The following ASTN1 variants were observed in gnomAD, a reference collection of about 807,000 sequenced individuals.
ASTN1 encodes astrotactin-1.
A neutral mutation model predicts 140.7 loss-of-function variants in ASTN1; 41 were observed. The ratio of observed to expected loss-of-function variants is 0.29; its 90% CI spans 0.23 to 0.38. The LOEUF (loss-of-function observed/expected upper bound fraction) is 0.38. Among genes scored for constraint, ASTN1 ranks in the 10% least tolerant of loss-of-function variants. The pLI, the probability that ASTN1 is intolerant of heterozygous loss-of-function variation, is 1.00. For synonymous variants in ASTN1, 640 were observed against 652.2 expected (o/e 0.98, Z 0.29); for missense variants, 1,479 against 1,678.8 (o/e 0.88, Z 2.08).
chr1:177,100,161 T>TA (rs1461779436), intron 1 of ASTN1, among the ~76,000 whole-genome samples: 1 of 152,062 alleles, frequency 6.6e-6, no homozygotes, highest in Non-Finnish European at 1.5e-5. Context: ...GGGCAGATAA[T>TA]AAAAAATTAG....
intron 8 of ASTN1, among the ~76,000 whole-genome samples, chr1:176,966,408 C>A (rs1490167367): frequency 6.6e-6 from 1 of 152,106 alleles, no homozygotes; most frequent in Non-Finnish European, 1.5e-5. Flanking sequence ...GTGCATTGCT[C>A]AGGACAGTTC....
intron 9 of ASTN1, among the ~76,000 whole-genome samples, chr1:176,959,528 A>G (rs1672563068): frequency 6.6e-6 from 1 of 152,130 alleles, no homozygotes; most frequent in Admixed American, 6.5e-5. Flanking sequence ...TTAAAAAAAA[A>G]AAATGTAGCC....
At chr1:177,026,128 C>T (rs538938009) in intron 5 of ASTN1, among the ~76,000 whole-genome samples, 4 of 152,150 alleles carry the variant, frequency 2.6e-5, no homozygotes, top group Non-Finnish European at 5.9e-5. Context: ...GGAGCAGTTT[C>T]CTCTGGGTGC....
chr1:177,159,054 G>A (rs1361484802), intron 1 of ASTN1, among the ~76,000 whole-genome samples: 2 of 127,814 alleles, frequency 1.6e-5, no homozygotes, highest in African/African-American at 6.0e-5. Context: ...GCAACAAAGC[G>A]AGGATCCATC....
intron 16 of ASTN1, among the ~76,000 whole-genome samples, chr1:176,922,105 A>G (rs1291321948): frequency 1.3e-5 from 2 of 152,190 alleles, no homozygotes; most frequent in Non-Finnish European, 2.9e-5. Context: ...GCCCCGGAGA[A>G]TATAAAAGTG....
rs780723241 is a variant in ASTN1 at position 177,032,822 on chromosome 1, T to C, written c.499A>G (p.Ile167Val). The C allele has an allele frequency of 6.2e-7, 1 of 1,609,218 alleles. No homozygotes were observed. Among genetic ancestry groups the C allele is most frequent in the South Asian group, 1.1e-5 (1 of 90,902 alleles). The change falls in exon 3 of 23, where the codon ATC becomes GTC. Residue 167 changes from isoleucine to valine, a missense_variant. This residue lies in a region of ASTN1 where 729 missense variants were observed against 860.4 expected (regional missense o/e 0.85). Transcript: ENST00000361833. ...MGGMIALLLS[I>V]LCLVMILYTR... is the part of the protein sequence containing the mutation. ...TACAGGATCATCACCAGGCACAAGA[T>C]GGACAGCAGCAGAGCGATCATGCCA...
intron 16 of ASTN1, among the ~76,000 whole-genome samples, chr1:176,903,086 A>T (rs1319361352): frequency 6.6e-6 from 1 of 152,278 alleles, no homozygotes; most frequent in African/African-American, 2.4e-5. Flanking sequence ...AGCAAAGGGG[A>T]TTTAGCCTAA....
At chr1:176,946,194 T>C in intron 12 of ASTN1, 74 bp from the exon 13 acceptor site, 1 of 1,313,376 alleles carries the variant, frequency 7.6e-7, no homozygotes, top group Non-Finnish European at 1.0e-6. Flanking sequence ...CCCCGTATAT[T>C]GGGAGGAAAT....
intron 2 of ASTN1, among the ~76,000 whole-genome samples, chr1:177,053,730 A>T (rs370014036): frequency 6.6e-6 from 1 of 152,230 alleles, no homozygotes; most frequent in Non-Finnish European, 1.5e-5. Context: ...AGCTAAGTTC[A>T]TTGTTACATG....
chr1:176,859,815 G>T (rs1667911921), downstream of ASTN1, among the ~76,000 whole-genome samples: 1 of 152,170 alleles, frequency 6.6e-6, no homozygotes, highest in African/African-American at 2.4e-5. Context: ...AATCCTTAGT[G>T]GCTTAAGGCA....
chr1:176,968,937 T>C (rs1047480857), intron 8 of ASTN1, among the ~76,000 whole-genome samples: 14 of 152,126 alleles, frequency 9.2e-5, no homozygotes, highest in South Asian at 2.1e-4. Flanking sequence ...GTGTTGGCAG[T>C]GCATGGAATG....
At chr1:177,109,360 A>C (rs751540700) in intron 1 of ASTN1, among the ~76,000 whole-genome samples, 14 of 152,172 alleles carry the variant, frequency 9.2e-5, no homozygotes, top group Non-Finnish European at 2.1e-4. Context: ...AAATTGTTAG[A>C]AGATGTTTGA....
intron 16 of ASTN1, among the ~76,000 whole-genome samples, chr1:176,918,025 G>C (rs1178091379): frequency 6.6e-6 from 1 of 151,982 alleles, no homozygotes; most frequent in Non-Finnish European, 1.5e-5. Flanking sequence ...AGTGAACTTG[G>C]CAATAATTAG....
intron 8 of ASTN1, among the ~76,000 whole-genome samples, chr1:176,997,757 C>T (rs888759199): frequency 6.6e-6 from 1 of 152,022 alleles, no homozygotes; most frequent in African/African-American, 2.4e-5. Context: ...CACGCTGGGA[C>T]GATTGCCACA....
intron 2 of ASTN1, among the ~76,000 whole-genome samples, chr1:177,044,057 C>A (rs73047005): frequency 1.7e-4 from 26 of 152,044 alleles, no homozygotes; most frequent in Admixed American, 6.6e-5. Flanking sequence ...CTTCGTTAAG[C>A]CACCAGCTCC....
chr1:177,152,778 T>G (rs1361774314), intron 1 of ASTN1, among the ~76,000 whole-genome samples: 1 of 152,118 alleles, frequency 6.6e-6, no homozygotes, highest in Non-Finnish European at 1.5e-5. Context: ...AGGAGAACTC[T>G]AGAAAAGAAT....
At chr1:176,887,466 G>T (rs1196533089) in intron 18 of ASTN1, among the ~76,000 whole-genome samples, 1 of 152,110 alleles carries the variant, frequency 6.6e-6, no homozygotes, top group Non-Finnish European at 1.5e-5. Context: ...AGCCCTGTTG[G>T]TTCTGCCCCA....
intron 18 of ASTN1, among the ~76,000 whole-genome samples, chr1:176,886,113 C>G (rs533138589): frequency 6.6e-6 from 1 of 152,030 alleles, no homozygotes; most frequent in Non-Finnish European, 1.5e-5. Context: ...GGACTAAACC[C>G]GGCCTCTTCT....
intron 1 of ASTN1, among the ~76,000 whole-genome samples, chr1:177,149,268 A>ACTATATATAGTAAATATATATATAGT (rs1682885578): frequency 1.2e-5 from 1 of 83,222 alleles, no homozygotes; most frequent in African/African-American, 5.9e-5. Flanking sequence ...ATATATATAT[A>ACTATATATAGTAAATATATATATAGT]CTATATATAG....
Sources: allele counts gnomAD v4.1 joint callset (sites outside exome capture counted in the v4.1 genomes callset), GRCh38; gene constraint gnomAD v4.1.1; regional missense constraint gnomAD v4.1.1; transcripts MANE v1.5; gene names NCBI Gene and HGNC (gene_info 2026-07-23, HGNC 2026-07-21).